PCDH15: variants seen among roughly 807,000 people sequenced by gnomAD.
PCDH15 encodes the protein protocadherin related 15.
In PCDH15, 129 loss-of-function variants were observed where a neutral mutation model predicts 178.5. That is an observed-to-expected ratio of 0.72 (90% CI 0.63 to 0.84). The LOEUF is 0.84. Among genes scored for constraint, PCDH15 ranks in the 40% least tolerant of loss-of-function variants. The pLI is 0.00. For synonymous variants in PCDH15, 800 were observed against 732.0 expected (o/e 1.09, Z -1.50); for missense variants, 2,230 against 2,099.9 (o/e 1.06, Z -1.21).
chr10:55,428,522 GATAC>G (rs1838810072), intron 2 of PCDH15, among the ~76,000 whole-genome samples: 1 of 151,562 alleles, frequency 6.6e-6, no homozygotes, highest in East Asian at 1.9e-4. Flanking sequence ...CTGCATTATA[GATAC>G]ATACATATGT....
At chr10:55,507,855 T>C (rs1463641862) in intron 2 of PCDH15, among the ~76,000 whole-genome samples, 3 of 151,612 alleles carry the variant, frequency 2.0e-5, no homozygotes, top group Non-Finnish European at 4.4e-5. Context: ...TTCTTAACCA[T>C]GATCAATTTA....
intron 1 of PCDH15, among the ~76,000 whole-genome samples, chr10:54,711,296 G>C (rs184646104): frequency 6.6e-6 from 1 of 152,076 alleles, no homozygotes; most frequent in East Asian, 1.9e-4. Context: ...CAGTAAAACA[G>C]CATTAAGGAA....
At position 54,640,552 on chromosome 10, in the gene PCDH15, G is replaced by A. The variant is rs144374909; in HGVS notation, c.91+23620C>T. ...AAGATACTAAGTGATGTCACCCTGC[G>A]TAGCTTGAATAAGGACATTTACTGA... is the stretch of plus-strand genomic sequence containing the variant. On this transcript the variant is annotated intron_variant, in intron 2 of 37. Transcript: ENST00000644397. Among the ~76,000 whole-genome samples, 953 of 152,028 alleles carry A rather than the reference G, an allele frequency of 6.3e-3. 2 individuals carry two copies. The highest frequency in any genetic ancestry group is 8.6e-3 in the Non-Finnish European group (587 of 67,994).
chr10:54,578,022 A>T (rs2090679675), intron 2 of PCDH15, among the ~76,000 whole-genome samples: 1 of 152,192 alleles, frequency 6.6e-6, no homozygotes, highest in South Asian at 2.1e-4. Context: ...TGATTCATAC[A>T]TTGCCTTGGA....
chr10:55,351,316 A>G (rs1194944813), intron 2 of PCDH15, among the ~76,000 whole-genome samples: 1 of 151,902 alleles, frequency 6.6e-6, no homozygotes, highest in Admixed American at 6.6e-5. Flanking sequence ...GCTTCAGAGG[A>G]AGAAAAAAAA....
intron 28 of PCDH15, among the ~76,000 whole-genome samples, chr10:53,856,798 T>G (rs2078774951): frequency 6.6e-6 from 1 of 152,132 alleles, no homozygotes; most frequent in Non-Finnish European, 1.5e-5. Context: ...TTAAACTATA[T>G]GTTTAATCTG....
chr10:55,309,011 CTGCT>C lies in PCDH15; in HGVS notation c.-156+10584_-156+10587del, dbSNP rs1369265704. Among the ~76,000 whole-genome samples the C allele has an allele frequency of 1.2e-4, 19 of 152,262 alleles. 1 individual carries two copies. Among genetic ancestry groups the C allele is most frequent in the African/African-American group, 4.3e-4 (18 of 41,562 alleles). On this transcript the variant is annotated intron_variant, in intron 1 of 5. Coordinates refer to the PCDH15 transcript ENST00000458638. ...ATAAACAATAGTCTCATGACAAAAACTGCTTAGTTTTAAGAAAGAAACTAAAAGA... is the reference window on the plus strand; with the variant it reads ...ATAAACAATAGTCTCATGACAAAAACTAGTTTTAAGAAAGAAACTAAAAGA...
At chr10:54,102,696 C>A (rs185471117) in intron 15 of PCDH15, among the ~76,000 whole-genome samples, 1 of 152,136 alleles carries the variant, frequency 6.6e-6, no homozygotes, top group African/African-American at 2.4e-5. Context: ...CCATAAGAGC[C>A]CTCCAGTCAG....
chr10:55,241,726 T>G (rs1841547571), intron 1 of PCDH15, among the ~76,000 whole-genome samples: 1 of 152,152 alleles, frequency 6.6e-6, no homozygotes, highest in Non-Finnish European at 1.5e-5. Context: ...CCCAGCCACT[T>G]TGTTTAATTT....
chr10:54,827,374 A>T (rs1235821297), intron 3 of PCDH15, among the ~76,000 whole-genome samples: 2 of 152,148 alleles, frequency 1.3e-5, no homozygotes, highest in African/African-American at 4.8e-5. Flanking sequence ...AACATTCAAT[A>T]ATCCTAAACT....
In PCDH15 at chr10:55,471,029, A is replaced by G. The variant is rs950564155; in HGVS notation, c.-156+156596T>C. Among the ~76,000 whole-genome samples, 6 of 152,252 alleles carry G rather than the reference A, an allele frequency of 3.9e-5. 1 individual carries two copies. In the South Asian group the frequency reaches 8.3e-4, roughly 21 times the overall value. ...TTAATGCTGAATAATATTCTGTTAT[A>G]TGGATATACCACAGTGTGTTTGTCC... On this transcript the variant is annotated intron_variant, in intron 2 of 5. Transcript: ENST00000613346.
At chr10:54,088,619 C>T (rs2094551739) in intron 16 of PCDH15, among the ~76,000 whole-genome samples, 1 of 152,150 alleles carries the variant, frequency 6.6e-6, no homozygotes, top group South Asian at 2.1e-4. Context: ...AATGTACTGA[C>T]TAATCCAAAT....
At chr10:55,200,558 G>A (rs1840216847) in intron 1 of PCDH15, among the ~76,000 whole-genome samples, 1 of 152,074 alleles carries the variant, frequency 6.6e-6, no homozygotes, top group Non-Finnish European at 1.5e-5. Context: ...GACTCTGGGG[G>A]ACTTTTGGGA....
intron 2 of PCDH15, among the ~76,000 whole-genome samples, chr10:55,535,838 C>T (rs1444453033): frequency 6.6e-6 from 1 of 151,938 alleles, no homozygotes; most frequent in African/African-American, 2.4e-5. Flanking sequence ...TTTAGGGATA[C>T]ACCTAAATGT....
intron 25 of PCDH15, among the ~76,000 whole-genome samples, chr10:53,909,857 C>A (rs2082946680): frequency 6.6e-6 from 1 of 152,224 alleles, no homozygotes; most frequent in Admixed American, 6.5e-5. Context: ...AGACTATACC[C>A]ACACCTGGCT....
At chr10:55,316,976 T>C (rs1290903290) in intron 1 of PCDH15, among the ~76,000 whole-genome samples, 1 of 152,190 alleles carries the variant, frequency 6.6e-6, no homozygotes, top group African/African-American at 2.4e-5. Flanking sequence ...AAACAGAATT[T>C]AGCATCTTTA....
At chr10:53,945,215 A>C (rs1334211739) in intron 23 of PCDH15, among the ~76,000 whole-genome samples, 1 of 152,196 alleles carries the variant, frequency 6.6e-6, no homozygotes, top group African/African-American at 2.4e-5. Flanking sequence ...TACTGGCACA[A>C]TGCCTATGCA....
At chr10:55,230,644 A>G (rs769791241) in intron 1 of PCDH15, among the ~76,000 whole-genome samples, 2 of 152,086 alleles carry the variant, frequency 1.3e-5, no homozygotes, top group African/African-American at 2.4e-5. Context: ...GAGACAGCGG[A>G]CAGTGTTACT....
intron 2 of PCDH15, among the ~76,000 whole-genome samples, chr10:54,583,308 T>A (rs1784186431): frequency 6.6e-6 from 1 of 152,118 alleles, no homozygotes; most frequent in African/African-American, 2.4e-5. Flanking sequence ...AATTGAGGAA[T>A]TAGAATGATT....
Sources: gnomAD v4.1 joint callset for allele counts (sites outside exome capture counted in the v4.1 genomes callset) on GRCh38, gnomAD v4.1.1 for gene constraint, MANE v1.5 for transcripts, NCBI Gene and HGNC (gene_info 2026-07-23, HGNC 2026-07-21) for gene names.